SOD2: variants seen among roughly 807,000 people sequenced by gnomAD.
SOD2 encodes the protein superoxide dismutase [Mn], mitochondrial.
SOD2 carries 11 observed loss-of-function variants against 27.0 expected under a neutral mutation model. That is an observed-to-expected ratio of 0.41 (90% CI 0.26 to 0.67). The LOEUF is 0.67. Among genes scored for constraint, SOD2 ranks in the 30% least tolerant of loss-of-function variants. The pLI is 0.34. For synonymous variants in SOD2, 105 were observed against 103.0 expected (o/e 1.02, Z -0.12); for missense variants, 250 against 274.5 (o/e 0.91, Z 0.63).
chr6:159,745,072 C>G (rs1353672631), intron 1 of SOD2: 1 of 152,202 alleles, frequency 6.6e-6, no homozygotes, highest in African/African-American at 2.4e-5. Context: ...ACTTCTTTCT[C>G]CATAGTTACT....
rs1779624477 is a variant in SOD2, at chr6:159,670,170, G to C, written c.*12323C>G. ...CTATAGGGATGTGCCAGCATGCCCA[G>C]CTAAATTTTAACTTTCTGTAGAGAT... On this transcript the variant is annotated 3_prime_UTR_variant, in exon 5 of 5. Transcript: ENST00000538183. 3.3e-5 allele frequency: 5 copies of C among 152,218 alleles called. No individual in the cohort carries two copies. The highest frequency in any genetic ancestry group is 3.3e-4 in the Admixed American group (5 of 15,268). 9.4% of individuals were successfully genotyped at this position (152,218 alleles called of 1,614,324 possible).
chr6:159,705,409 T>G (rs1204016453), intron 1 of SOD2, among the ~76,000 whole-genome samples: 1 of 152,114 alleles, frequency 6.6e-6, no homozygotes, highest in Non-Finnish European at 1.5e-5. Flanking sequence ...GAATAACTAA[T>G]GCAGAGAAGT....
At chr6:159,727,541 A>T (rs1778263134), upstream of SOD2, 8 of 990,708 alleles carry the variant, frequency 8.1e-6, no homozygotes, top group Non-Finnish European at 8.4e-6. Context: ...CGAGACCCAC[A>T]AATAAAGGGG....
upstream of SOD2, chr6:159,748,702 A>G: frequency 8.0e-7 from 1 of 1,252,072 alleles, no homozygotes; most frequent in Non-Finnish European, 1.0e-6. The surrounding 1 kb of genome is among the most constrained non-coding windows in gnomAD (Gnocchi z 5.6). Flanking sequence ...AGAGGGAGAA[A>G]CAGAAGTCTT....
chr6:159,710,365 A>T (rs967797697), intron 1 of SOD2, among the ~76,000 whole-genome samples: 2 of 151,542 alleles, frequency 1.3e-5, no homozygotes, highest in African/African-American at 4.8e-5. Context: ...AGGAGAAATC[A>T]CTTGAACCTG....
At chr6:159,714,026 T>C (rs1777879823) in intron 1 of SOD2, 1 of 703,678 alleles carries the variant, frequency 1.4e-6, no homozygotes, top group Non-Finnish European at 2.4e-6. Context: ...TTTGGCGGAA[T>C]GCAATTTTGG....
rs748032491 is a variant in SOD2, at chr6:159,677,465, C to T, written c.*5028G>A. 5.3e-5 allele frequency: 8 copies of T among 152,174 alleles called. No homozygotes were observed. The highest frequency in any genetic ancestry group is 1.0e-4 in the Non-Finnish European group (7 of 68,040). 9.4% of individuals were successfully genotyped at this position (152,174 alleles called of 1,614,324 possible). On this transcript the variant is annotated 3_prime_UTR_variant, in exon 5 of 5. Coordinates refer to ENST00000538183, the MANE Select transcript of SOD2 (RefSeq NM_000636.4). ...TGCCAGTACTATACCAAATAGTATA[C>T]CACTTTAGGAAGAGTGGTACCAGGT...
At chr6:159,693,038 C>G (rs1463186966) in intron 1 of SOD2, 107 bp downstream of exon 1, 7 of 1,465,538 alleles carry the variant, frequency 4.8e-6, no homozygotes, top group Non-Finnish European at 6.3e-6. Context: ...GCAGGTGCCC[C>G]GGTCCCGCCA....
At chr6:159,709,817 C>T (rs571667264) in intron 1 of SOD2, among the ~76,000 whole-genome samples, 50 of 152,170 alleles carry the variant, frequency 3.3e-4, no homozygotes, top group Admixed American at 9.2e-4. Flanking sequence ...CACATTCACA[C>T]GTATGTTTAT....
chr6:159,706,561 G>A (rs1325314480), intron 1 of SOD2, among the ~76,000 whole-genome samples: 2 of 152,136 alleles, frequency 1.3e-5, no homozygotes, highest in African/African-American at 2.4e-5. Context: ...TCAACAAGAA[G>A]AGCTAACTAT....
rs1232067379 is a variant in SOD2 at position 159,673,491 on chromosome 6, A to AT, written c.*9001dup. 2 of 152,194 alleles carry AT rather than the reference A, an allele frequency of 1.3e-5. No individual in the cohort carries two copies. The highest frequency in any genetic ancestry group is 4.8e-5 in the African/African-American group (2 of 41,452). The allele number at this position is 152,194 out of a possible 1,614,324, so 9.4% of individuals were successfully genotyped here. A position where few individuals can be genotyped will look rare whatever the true frequency, so the allele number is the denominator to read the frequency against. On this transcript the variant is annotated 3_prime_UTR_variant, in exon 5 of 5. Transcript: ENST00000538183. Reference sequence around the variant, plus strand: ...TGGAAACTGAACAACCTGCTCCTGAATGACTACTGGGTACATAACAAAATG... The same window carrying AT: ...TGGAAACTGAACAACCTGCTCCTGAATTGACTACTGGGTACATAACAAAATG...
chr6:159,755,741 TTTTC>T (rs1226706987), intron 1 of SOD2: 24 of 1,199,732 alleles, frequency 2.0e-5, no homozygotes, highest in South Asian at 3.4e-5. Flanking sequence ...TTGTTGTTTT[TTTTC>T]TTTGTTTTTT....
chr6:159,698,410 A>C (rs1202143404), intron 1 of SOD2, among the ~76,000 whole-genome samples: 6 of 151,864 alleles, frequency 4.0e-5, no homozygotes, highest in Non-Finnish European at 7.4e-5. Flanking sequence ...TCCATCTCAA[A>C]ACAAACAAAA....
intron 1 of SOD2, among the ~76,000 whole-genome samples, chr6:159,736,960 A>G (rs1778960359): frequency 6.6e-6 from 1 of 152,192 alleles, no homozygotes; most frequent in Non-Finnish European, 1.5e-5. Context: ...GAAGTTTCCT[A>G]TTGTGGAGTC....
chr6:159,701,503 C>A (rs537470557), intron 1 of SOD2, among the ~76,000 whole-genome samples: 1 of 148,698 alleles, frequency 6.7e-6, no homozygotes, highest in Non-Finnish European at 1.5e-5. Flanking sequence ...CCCAGGAGTT[C>A]GAGGTTGCAG....
At chr6:159,731,893 A>G (rs1318032162), upstream of SOD2, among the ~76,000 whole-genome samples, 1 of 152,216 alleles carries the variant, frequency 6.6e-6, no homozygotes, top group Non-Finnish European at 1.5e-5. Flanking sequence ...CCCTTTAAAA[A>G]CAGATTATCA....
chr6:159,731,126 G>A (rs987051332), upstream of SOD2, among the ~76,000 whole-genome samples: 5 of 152,000 alleles, frequency 3.3e-5, no homozygotes, highest in African/African-American at 1.2e-4. Flanking sequence ...GGGCAACAGA[G>A]AGAGACTACG....
At chr6:159,723,999 T>G (rs140004090) in intron 1 of SOD2, among the ~76,000 whole-genome samples, 2 of 151,994 alleles carry the variant, frequency 1.3e-5, no homozygotes, top group African/African-American at 4.8e-5. Flanking sequence ...CTAAGCCACT[T>G]TGGCTTCCCA....
chr6:159,723,751 CT>C (rs67149731), intron 1 of SOD2, among the ~76,000 whole-genome samples: 2 of 151,688 alleles, frequency 1.3e-5, no homozygotes, highest in Non-Finnish European at 2.9e-5. Flanking sequence ...AGAACTAGGA[CT>C]TTTTTTTGCA....
Sources: allele counts gnomAD v4.1 joint callset (sites outside exome capture counted in the v4.1 genomes callset), GRCh38; gene constraint gnomAD v4.1.1; non-coding constraint Gnocchi (gnomAD v3.1); transcripts MANE v1.5; gene names NCBI Gene and HGNC (gene_info 2026-07-23, HGNC 2026-07-21).